Variants in COG5 observed in about 807,000 individuals in gnomAD.
COG5 encodes the protein conserved oligomeric Golgi complex subunit 5.
Under a neutral mutation model 110.4 loss-of-function variants are expected in COG5, and 86 were observed. The observed-to-expected ratio is 0.78, with a 90% CI of 0.65 to 0.93. COG5 has a LOEUF of 0.93. Among genes scored for constraint, COG5 ranks in the 40% least tolerant of loss-of-function variants. The pLI is 0.00. For synonymous variants in COG5, 360 were observed against 334.6 expected, an observed-to-expected ratio of 1.08 and a Z score of -0.83; for missense variants, 1,077 against 987.0, an observed-to-expected ratio of 1.09 and a Z score of -1.22.
chr7:107,439,405 C>G (rs1258330871), intron 6 of COG5, among the ~76,000 whole-genome samples: 1 of 152,126 alleles, frequency 6.6e-6, no homozygotes, highest in Non-Finnish European at 1.5e-5. Flanking sequence ...CCCGTTTTCT[C>G]GAGCCCATTA....
chr7:107,378,711 G>A (rs760482759), intron 7 of COG5, among the ~76,000 whole-genome samples: 1 of 152,102 alleles, frequency 6.6e-6, no homozygotes, highest in Non-Finnish European at 1.5e-5. Context: ...AAAGCAAGAA[G>A]ACAAGATTAG....
At chr7:107,517,681 G>T (rs1013310013) in intron 6 of COG5, among the ~76,000 whole-genome samples, 1 of 151,284 alleles carries the variant, frequency 6.6e-6, no homozygotes, top group Non-Finnish European at 1.5e-5. Context: ...GAAGAGAGTG[G>T]GGGCCAACAT....
intron 15 of COG5, among the ~76,000 whole-genome samples, chr7:107,257,571 C>G (rs1165030122): frequency 1.3e-5 from 2 of 151,956 alleles, no homozygotes; most frequent in Non-Finnish European, 2.9e-5. Flanking sequence ...TTCTTCAGGT[C>G]TCCTAAATTA....
In COG5 at chr7:107,539,147, G is replaced by A. The variant is rs146245449; in HGVS notation, c.417+8964C>T. Among the ~76,000 whole-genome samples, 170 of 152,170 alleles carry A rather than the reference G, an allele frequency of 1.1e-3. 1 individual carries two copies. Among genetic ancestry groups the A allele is most frequent in the African/African-American group, 3.9e-3 (162 of 41,516 alleles). Reference sequence around the variant, plus strand: ...TAAAATTTAAAAAAAAATTAGCTGGGCATGGTGGTGCGTGCCTGTTGTCTC... The same window carrying A: ...TAAAATTTAAAAAAAAATTAGCTGGACATGGTGGTGCGTGCCTGTTGTCTC... On this transcript the variant is annotated intron_variant, in intron 5 of 21. Coordinates refer to ENST00000297135, the MANE Select transcript of COG5 (RefSeq NM_006348.5).
intron 10 of COG5, among the ~76,000 whole-genome samples, chr7:107,346,951 G>C (rs1395838422): frequency 6.6e-6 from 1 of 152,026 alleles, no homozygotes; most frequent in Non-Finnish European, 1.5e-5. Context: ...TAAATATTCA[G>C]CAAGTTTCTA....
rs1813206816 is a variant in COG5, at chr7:107,362,435, G to A, written c.836-15C>T. On this transcript the variant is annotated splice_polypyrimidine_tract_variant and intron_variant, in intron 8 of 21. Coordinates refer to ENST00000297135, the MANE Select transcript of COG5 (RefSeq NM_006348.5). ...TCCAGGTCCCCCTGGTTATGAGTGA[G>A]AAAGAACAATGAAAAATAAAGTTTT... The A allele has an allele frequency of 3.8e-6, 6 of 1,559,172 alleles. No individual in the cohort carries two copies. Among genetic ancestry groups the A allele is most frequent in the Non-Finnish European group, 5.3e-6 (6 of 1,130,714 alleles).
chr7:107,469,251 C>T (rs1268906867), intron 6 of COG5, among the ~76,000 whole-genome samples: 1 of 151,478 alleles, frequency 6.6e-6, no homozygotes, highest in Admixed American at 6.6e-5. Flanking sequence ...AAGAAATGTG[C>T]CCAGGTCAAA....
intron 10 of COG5, among the ~76,000 whole-genome samples, chr7:107,332,591 G>A (rs1463597007): frequency 6.6e-6 from 1 of 152,158 alleles, no homozygotes; most frequent in Non-Finnish European, 1.5e-5. Flanking sequence ...AATCACCTCA[G>A]AGGAGTGAAG....
intron 6 of COG5, among the ~76,000 whole-genome samples, chr7:107,488,553 A>ATAATTG (rs2129126354): frequency 6.6e-6 from 1 of 152,292 alleles, no homozygotes; most frequent in African/African-American, 2.4e-5. Context: ...TTTAAGCCAA[A>ATAATTG]AGAATAATAG....
intron 8 of COG5, among the ~76,000 whole-genome samples, chr7:107,369,664 C>T (rs1242089002): frequency 6.6e-6 from 1 of 152,152 alleles, no homozygotes; most frequent in Admixed American, 6.6e-5. Flanking sequence ...GCTGGGATTA[C>T]AGGCATGAGC....
chr7:107,235,593 C>T (rs757371699), intron 18 of COG5, among the ~76,000 whole-genome samples: 1 of 152,156 alleles, frequency 6.6e-6, no homozygotes, highest in Non-Finnish European at 1.5e-5. Context: ...GTTCCAGCTA[C>T]TCGGGAAGCT....
chr7:107,415,611 T>TA (rs1336922525), intron 6 of COG5, among the ~76,000 whole-genome samples: 2 of 151,594 alleles, frequency 1.3e-5, no homozygotes, highest in African/African-American at 4.8e-5. Flanking sequence ...ATAATAATTT[T>TA]AAAAAAGAAG....
At chr7:107,389,676 C>T (rs912956089) in intron 7 of COG5, among the ~76,000 whole-genome samples, 7 of 152,296 alleles carry the variant, frequency 4.6e-5, no homozygotes, top group Admixed American at 3.9e-4. Flanking sequence ...ATTTGCAGGG[C>T]AGCCTTACTA....
chr7:107,535,659 G>C (rs114915289), intron 5 of COG5, among the ~76,000 whole-genome samples: 1,583 of 152,090 alleles, frequency 0.01, 16 homozygotes, highest in African/African-American at 0.036. Flanking sequence ...TGAAATTGAA[G>C]CACTAATAGC....
chr7:107,443,811 A>T (rs6943051), intron 6 of COG5, among the ~76,000 whole-genome samples: 4 of 152,070 alleles, frequency 2.6e-5, no homozygotes, highest in Admixed American at 6.5e-5. Context: ...CATTCCACTC[A>T]CAGTCTCTCC....
At chr7:107,378,884 C>G (rs1472764800) in intron 7 of COG5, among the ~76,000 whole-genome samples, 1 of 152,182 alleles carries the variant, frequency 6.6e-6, no homozygotes, top group Non-Finnish European at 1.5e-5. Context: ...CCCAACCTAG[C>G]AAGACAGGCC....
intron 6 of COG5, among the ~76,000 whole-genome samples, chr7:107,491,893 T>C (rs1390167741): frequency 6.6e-6 from 1 of 152,172 alleles, no homozygotes; most frequent in Non-Finnish European, 1.5e-5. Flanking sequence ...TAGCCAGATC[T>C]GTGATAATAT....
chr7:107,459,024 G>C (rs534052868), intron 6 of COG5, among the ~76,000 whole-genome samples: 1 of 151,534 alleles, frequency 6.6e-6, no homozygotes, highest in Non-Finnish European at 1.5e-5. Flanking sequence ...ATCCAAAAAA[G>C]GGTAGGAAAC....
At chr7:107,390,389 C>G (rs1313045459) in intron 7 of COG5, among the ~76,000 whole-genome samples, 1 of 152,064 alleles carries the variant, frequency 6.6e-6, no homozygotes, top group East Asian at 1.9e-4. Flanking sequence ...TGCAAGCCCT[C>G]GAGGCTGCTT....
Sources: allele counts gnomAD v4.1 joint callset (sites outside exome capture counted in the v4.1 genomes callset), GRCh38; gene constraint gnomAD v4.1.1; transcripts MANE v1.5; gene names NCBI Gene and HGNC (gene_info 2026-07-23, HGNC 2026-07-21).